Variants in KIF5C observed in about 807,000 individuals in gnomAD.
KIF5C encodes kinesin heavy chain isoform 5C.
Under a neutral mutation model 125.2 loss-of-function variants are expected in KIF5C, and 18 were observed. The ratio of observed to expected loss-of-function variants is 0.14; its 90% CI spans 0.10 to 0.21. KIF5C has a LOEUF of 0.21. KIF5C is among the 10% of genes least tolerant of loss of function. KIF5C has a pLI of 1.00. For missense variants in KIF5C, 780 were observed against 1,183.8 expected (o/e 0.66, Z 5.01); for synonymous variants, 405 against 434.0 (o/e 0.93, Z 0.83).
intron 4 of KIF5C, 49 bp downstream of exon 4, chr2:148,937,437 C>T (rs187403886): frequency 2.3e-5 from 36 of 1,537,896 alleles, no homozygotes; most frequent in Admixed American, 6.2e-5. Context: ...CCCCAGATAA[C>T]GTTTCTTATA....
intron 15 of KIF5C, among the ~76,000 whole-genome samples, chr2:148,988,097 A>G (rs529225619): frequency 6.6e-6 from 1 of 151,748 alleles, no homozygotes; most frequent in African/African-American, 2.4e-5. Context: ...AGTATGTACT[A>G]CTGGGGGCAT....
chr2:149,007,917 T>TGGGGG, intron 22 of KIF5C, 46 bp from the exon 23 acceptor site: 1 of 1,259,202 alleles, frequency 7.9e-7, no homozygotes. Context: ...GGGCGGAGGG[T>TGGGGG]GGGTGGGTGA....
In KIF5C at chr2:149,008,000, C is replaced by G; in HGVS notation, c.2483C>G (p.Ala828Gly). Residue 828 changes from alanine to glycine, a missense_variant, in exon 23 of 26, where the codon GCT becomes GGT. Around this residue, in one of 2 missense-constraint regions of KIF5C, gnomAD observed 573 missense variants for 742.6 expected, o/e 0.77. Transcript: ENST00000435030. Reference sequence around the variant, plus strand: ...GACAACGATGATGGAGGGGGCAGTGCTGCCCAGAAGCAGAAAATTTCCTTC... The same window carrying G: ...GACAACGATGATGGAGGGGGCAGTGGTGCCCAGAAGCAGAAAATTTCCTTC... ...ELDNDDGGGS[A>G]AQKQKISFLE... 1 of 1,611,156 alleles carries G rather than the reference C, an allele frequency of 6.2e-7. No individual in the cohort carries two copies. Among genetic ancestry groups the G allele is most frequent in the Non-Finnish European group, 8.5e-7 (1 of 1,177,970 alleles).
Position 148,999,025 on chromosome 2 carries a change from G to A in KIF5C, c.2210+516G>A, listed in dbSNP as rs1479368731. 3.3e-5 allele frequency among the ~76,000 whole-genome samples: 5 copies of A among 152,302 alleles called. No homozygotes were observed. The East Asian group carries it at 5.8e-4, about 18-fold the overall frequency. On this transcript the variant is annotated intron_variant, in intron 19 of 25. Transcript: ENST00000435030. The stretch of plus-strand genomic sequence containing the variant: ...TGCTCACTTCTTAGGGCCCCACACT[G>A]TCATGTGTCTGTGCAGGTAGAGGTG...
At position 149,025,400 on chromosome 2, in the gene KIF5C, T is replaced by C. The variant is rs1290192600; in HGVS notation, c.*2330T>C. The C allele has an allele frequency of 1.3e-5, 2 of 152,660 alleles. No homozygotes were observed. The highest frequency in any genetic ancestry group is 2.9e-5 in the Non-Finnish European group (2 of 68,046). The allele number at this position is 152,660 out of a possible 1,614,324, so 9.5% of individuals were successfully genotyped here. A position where few individuals can be genotyped will look rare whatever the true frequency, so the allele number is the denominator to read the frequency against. On this transcript the variant is annotated 3_prime_UTR_variant, in exon 26 of 26. Coordinates refer to ENST00000435030, the MANE Select transcript of KIF5C (RefSeq NM_004522.3). ...TGGAACGGATTATTCAAATGGATCC[T>C]TAAATATTGCTATGTATAATAAGCC...
At chr2:148,983,484 T>G in intron 14 of KIF5C, 136 bp from the exon 15 acceptor site, 1 of 1,240,334 alleles carries the variant, frequency 8.1e-7, no homozygotes, top group Admixed American at 3.3e-5. Context: ...TATGCGAGAG[T>G]TTGCCTTAAA....
Position 148,957,608 on chromosome 2 carries a change from A to C in KIF5C, c.969-4363A>C, listed in dbSNP as rs971984539. ...TTGTTCTAGTAAAAAAAAAAAAAAAAAAAAAAAAACAATAAACCTCAGGGC... is the reference window on the plus strand; with the variant it reads ...TTGTTCTAGTAAAAAAAAAAAAAAACAAAAAAAAACAATAAACCTCAGGGC... On this transcript the variant is annotated intron_variant, in intron 10 of 25. Coordinates refer to ENST00000435030, the MANE Select transcript of KIF5C (RefSeq NM_004522.3). 3.2e-3 allele frequency among the ~76,000 whole-genome samples: 481 copies of C among 150,256 alleles called. 5 individuals are homozygous for C. The highest frequency in any genetic ancestry group is 4.4e-3 in the Non-Finnish European group (297 of 67,512).
chr2:148,951,428 T>C (rs1430037335), intron 10 of KIF5C, among the ~76,000 whole-genome samples: 2 of 152,152 alleles, frequency 1.3e-5, no homozygotes, highest in Non-Finnish European at 2.9e-5. Flanking sequence ...TTGGTTCATA[T>C]CTTTTTTTCT....
chr2:148,881,558 T>G (rs1413842125), intron 1 of KIF5C, among the ~76,000 whole-genome samples: 1 of 152,120 alleles, frequency 6.6e-6, no homozygotes, highest in Non-Finnish European at 1.5e-5. Flanking sequence ...AATTTCTGCA[T>G]TTCTGTAAAT....
In KIF5C at chr2:148,884,902, C is replaced by T. The variant is rs566899340; in HGVS notation, c.126+9159C>T. Among the ~76,000 whole-genome samples the T allele has an allele frequency of 5.9e-5, 9 of 151,338 alleles. No homozygotes were observed. The East Asian group carries it at 1.8e-3, about 30-fold the overall frequency. On this transcript the variant is annotated intron_variant, in intron 1 of 25. Coordinates refer to ENST00000435030, the MANE Select transcript of KIF5C (RefSeq NM_004522.3). ...AGAGTCAGGTGTGGTGGTAGAAGCA[C>T]ACACGGGGCCATCAGGGCTAAGCAA...
At chr2:148,927,423 T>C (rs1477335832) in intron 2 of KIF5C, among the ~76,000 whole-genome samples, 1 of 152,196 alleles carries the variant, frequency 6.6e-6, no homozygotes, top group East Asian at 1.9e-4. Flanking sequence ...TTCTAACACC[T>C]AGGCCGGTGG....
chr2:148,962,814 G>T (rs1234752061), intron 11 of KIF5C, among the ~76,000 whole-genome samples: 3 of 152,164 alleles, frequency 2.0e-5, no homozygotes, highest in Non-Finnish European at 4.4e-5. Flanking sequence ...AATGAAAAAT[G>T]TCATTCTCTC....
At position 148,978,088 on chromosome 2, in the gene KIF5C, G is replaced by A. The variant is rs59993226; in HGVS notation, c.1294-834G>A. Among the ~76,000 whole-genome samples, 826 of 152,296 alleles carry A rather than the reference G, an allele frequency of 5.4e-3. 9 individuals are homozygous for A. Among genetic ancestry groups the A allele is most frequent in the African/African-American group, 0.019 (791 of 41,562 alleles). The stretch of plus-strand genomic sequence containing the variant: ...TATGTTTCAAATTTTATTTGAAGTC[G>A]TGAAAATAATGCAGTGAAGACTGTG... On this transcript the variant is annotated intron_variant, in intron 12 of 25. Coordinates refer to ENST00000435030, the MANE Select transcript of KIF5C (RefSeq NM_004522.3).
intron 21 of KIF5C, 116 bp downstream of exon 21, chr2:149,000,898 A>T: frequency 6.6e-7 from 1 of 1,514,586 alleles, no homozygotes; most frequent in Non-Finnish European, 8.8e-7. Flanking sequence ...GTTTTAGATA[A>T]GACATTCTAT....
At chr2:148,997,093 T>TG (rs1681696853) in intron 17 of KIF5C, among the ~76,000 whole-genome samples, 171 bp from the exon 18 acceptor site, 1 of 152,256 alleles carries the variant, frequency 6.6e-6, no homozygotes, top group Non-Finnish European at 1.5e-5. Flanking sequence ...GGGGCAGCCT[T>TG]GGCTTTAGCC....
chr2:148,979,957 A>G (rs1353124557), intron 13 of KIF5C, among the ~76,000 whole-genome samples: 2 of 152,136 alleles, frequency 1.3e-5, no homozygotes, highest in Non-Finnish European at 2.9e-5. Flanking sequence ...CTTGCTGAGG[A>G]CCGTTTAAGT....
intron 1 of KIF5C, chr2:148,884,195 A>G (rs1681450141): frequency 6.6e-6 from 1 of 152,214 alleles, no homozygotes; most frequent in African/African-American, 2.4e-5. Flanking sequence ...GTCAGTTTCA[A>G]TATCCTAAAG....
chr2:148,930,451 C>A (rs556806652), intron 3 of KIF5C, among the ~76,000 whole-genome samples: 4 of 152,052 alleles, frequency 2.6e-5, no homozygotes, highest in African/African-American at 7.2e-5. Flanking sequence ...TAAGAAACTG[C>A]ACAGAGGAAG....
chr2:148,920,839 G>A (rs1487263176), intron 1 of KIF5C, among the ~76,000 whole-genome samples: 1 of 152,210 alleles, frequency 6.6e-6, no homozygotes, highest in Non-Finnish European at 1.5e-5. Context: ...GTCCTTGGGT[G>A]GTTCCTGGTG....
Sources: gnomAD v4.1 joint callset for allele counts (sites outside exome capture counted in the v4.1 genomes callset) on GRCh38, gnomAD v4.1.1 for gene constraint, gnomAD v4.1.1 regional missense constraint, MANE v1.5 for transcripts, NCBI Gene and HGNC (gene_info 2026-07-23, HGNC 2026-07-21) for gene names.